Variants in POLR2F observed in about 807,000 individuals in gnomAD.
POLR2F encodes DNA-directed RNA polymerases I, II, and III subunit RPABC2.
In POLR2F, 12 loss-of-function variants were observed where a neutral mutation model predicts 22.7. The observed-to-expected ratio is 0.53, with a 90% CI of 0.34 to 0.86. The LOEUF (loss-of-function observed/expected upper bound fraction) is 0.86, where lower values mean the gene tolerates loss of function less well. Ranked by LOEUF, POLR2F falls within the 40% of genes least tolerant of loss-of-function variation. The pLI, the probability that POLR2F is intolerant of heterozygous loss-of-function variation, is 0.02. For missense variants in POLR2F, 126 were observed against 171.5 expected, an observed-to-expected ratio of 0.73 and a Z score of 1.48; for synonymous variants, 57 against 66.0, an observed-to-expected ratio of 0.86 and a Z score of 0.66.
intron 1 of POLR2F, among the ~76,000 whole-genome samples, chr22:37,954,493 G>T (rs1024607097): frequency 6.6e-6 from 1 of 152,040 alleles, no homozygotes; most frequent in African/African-American, 2.4e-5. Flanking sequence ...TAGTAGAGAC[G>T]GGTTTCACCA....
chr22:37,961,795 G>C (rs1028219000), intron 3 of POLR2F, among the ~76,000 whole-genome samples: 6 of 148,268 alleles, frequency 4.0e-5, no homozygotes, highest in Non-Finnish European at 6.0e-5. Context: ...GGGACAGAGC[G>C]GGGTACTCTA....
At chr22:38,034,867 T>C (rs1009898820) in intron 5 of POLR2F, among the ~76,000 whole-genome samples, 3 of 151,820 alleles carry the variant, frequency 2.0e-5, no homozygotes, top group Non-Finnish European at 4.4e-5. Context: ...GGGCTGGGAG[T>C]GGTGGGAGGT....
chr22:37,966,850 G>C (rs1308792087), intron 3 of POLR2F, among the ~76,000 whole-genome samples: 1 of 152,220 alleles, frequency 6.6e-6, no homozygotes, highest in Non-Finnish European at 1.5e-5. Context: ...AGTTAGAATG[G>C]TGTGCCTTTG....
At chr22:37,986,021 CCCCGCCT>C, upstream of POLR2F, 1 of 1,373,618 alleles carries the variant, frequency 7.3e-7, no homozygotes. This position sits in a 1 kb window ranked among gnomAD's most constrained non-coding sequence, Gnocchi z 4.7. Context: ...ACCCTCCTCC[CCCCGCCT>C]CCCTTCTCTT....
chr22:37,964,779 G>A (rs759829164), intron 3 of POLR2F, among the ~76,000 whole-genome samples: 1 of 152,014 alleles, frequency 6.6e-6, no homozygotes, highest in Admixed American at 6.5e-5. Context: ...CACCATGTTG[G>A]TCGGGCTGGT....
chr22:38,041,110 G>C, downstream of POLR2F: 2 of 1,612,960 alleles, frequency 1.2e-6, no homozygotes, highest in Non-Finnish European at 8.5e-7. Flanking sequence ...GAAGCCCCGT[G>C]AACAATGCAT....
rs1371764231 is a variant in POLR2F, at chr22:37,968,581, C to A, written c.*866C>A. 8 of 985,592 alleles carry A rather than the reference C, an allele frequency of 8.1e-6. No homozygotes were observed. The highest frequency in any genetic ancestry group is 9.6e-6 in the Non-Finnish European group (8 of 830,146). The allele number at this position is 985,592 out of a possible 1,614,324, so 61.1% of individuals were successfully genotyped here. A position where few individuals can be genotyped will look rare whatever the true frequency, so the allele number is the denominator to read the frequency against. Reference sequence around the variant, plus strand: ...TCTGCCTGAGGTTCTAATGGGTCCTCTTCCTTTCTCCACCCTGCTTACCCA... The same window carrying A: ...TCTGCCTGAGGTTCTAATGGGTCCTATTCCTTTCTCCACCCTGCTTACCCA... On this transcript the variant is annotated 3_prime_UTR_variant, in exon 5 of 5. Coordinates refer to ENST00000442738, the MANE Select transcript of POLR2F (RefSeq NM_021974.5).
chr22:38,008,333 T>TGAGGTCAA (rs1173018846), intron 1 of POLR2F, among the ~76,000 whole-genome samples: 1 of 151,718 alleles, frequency 6.6e-6, no homozygotes, highest in East Asian at 1.9e-4. Context: ...GCGGATCATC[T>TGAGGTCAA]GAGGTCAAGA....
At chr22:37,960,267 A>G (rs1357685217) in intron 3 of POLR2F, among the ~76,000 whole-genome samples, 4 of 146,080 alleles carry the variant, frequency 2.7e-5, no homozygotes, top group African/African-American at 1.0e-4. Flanking sequence ...TCTGTCTCCC[A>G]TGCTGGAGTG....
intron 5 of POLR2F, among the ~76,000 whole-genome samples, chr22:38,035,289 G>A (rs3026673): frequency 0.016 from 2,426 of 152,282 alleles, 71 homozygotes; most frequent in African/African-American, 0.057. Flanking sequence ...TTTACATCCA[G>A]TGTGGTGTGT....
At chr22:37,979,244 C>T (rs949319370) in intron 4 of POLR2F, among the ~76,000 whole-genome samples, 2 of 151,342 alleles carry the variant, frequency 1.3e-5, no homozygotes, top group South Asian at 2.1e-4. Flanking sequence ...ACTACAGGCA[C>T]GCACCACCAT....
rs553949889 is a variant in POLR2F, at chr22:37,979,312, G to T, written c.293+12142G>T. Among the ~76,000 whole-genome samples, 176 of 152,078 alleles carry T rather than the reference G, an allele frequency of 1.2e-3. 3 individuals are homozygous for T. Among genetic ancestry groups the T allele is most frequent in the African/African-American group, 4.1e-3 (168 of 41,474 alleles). On this transcript the variant is annotated intron_variant, in intron 4 of 4. Transcript: ENST00000405557. ...GAGGTTTCACCATATTGGCCAGGCT[G>T]GTCTCCAACTCCTGACCTCAGGTGA...
chr22:38,028,476 G>A (rs939811951), downstream of POLR2F, among the ~76,000 whole-genome samples: 6 of 152,096 alleles, frequency 3.9e-5, no homozygotes, highest in Non-Finnish European at 5.9e-5. Context: ...GCCTGCGCAT[G>A]CATCTGTGTG....
At chr22:38,022,634 A>G (rs925706863) in intron 1 of POLR2F, among the ~76,000 whole-genome samples, 1 of 151,932 alleles carries the variant, frequency 6.6e-6, no homozygotes, top group Non-Finnish European at 1.5e-5. Context: ...TTATCTGTTT[A>G]TTTATTTCTA....
At chr22:37,969,678 A>G (rs1931986969), downstream of POLR2F, among the ~76,000 whole-genome samples, 1 of 152,242 alleles carries the variant, frequency 6.6e-6, no homozygotes, top group Non-Finnish European at 1.5e-5. Context: ...TGAAGGGGAA[A>G]GGGTGGGTTG....
upstream of POLR2F, chr22:37,983,338 G>A: frequency 6.3e-7 from 1 of 1,598,568 alleles, no homozygotes; most frequent in Non-Finnish European, 8.5e-7. The surrounding 1 kb of genome is among the most constrained non-coding windows in gnomAD (Gnocchi z 9.5). Context: ...CCGAGCCCGG[G>A]GGGCGGTCGG....
intron 5 of POLR2F, among the ~76,000 whole-genome samples, chr22:38,036,385 G>C (rs955783771): frequency 6.6e-6 from 1 of 151,808 alleles, no homozygotes; most frequent in Admixed American, 6.6e-5. Context: ...CCCCGAAGGA[G>C]AGGCTTCCTT....
At position 37,956,797 on chromosome 22, in the gene POLR2F, T is replaced by C. The variant is rs750816765; in HGVS notation, c.45T>C (p.Asp15=). The part of the protein sequence containing the change: ...EDNFDGDDFD[D]VEEDEGLDDL... ...GTTTTGATGGCGACGACTTTGATGA[T>C]GTGGAGGAGGATGAAGGGCTAGATG... The change falls in exon 2 of 5, where the codon GAT becomes GAC. Residue 15 remains aspartate (D), a synonymous_variant. Coordinates refer to ENST00000442738, the MANE Select transcript of POLR2F (RefSeq NM_021974.5). 1.2e-6 allele frequency: 2 copies of C among 1,613,872 alleles called. No homozygotes were observed. Among genetic ancestry groups the C allele is most frequent in the South Asian group, 2.2e-5 (2 of 91,090 alleles).
downstream of POLR2F, among the ~76,000 whole-genome samples, chr22:38,030,636 A>G (rs1203201905): frequency 1.3e-5 from 2 of 152,152 alleles, no homozygotes; most frequent in Non-Finnish European, 2.9e-5. Context: ...GGGGACCGCC[A>G]TGGTCTGAGA....
Sources: allele counts gnomAD v4.1 joint callset (sites outside exome capture counted in the v4.1 genomes callset), GRCh38; gene constraint gnomAD v4.1.1; non-coding constraint Gnocchi (gnomAD v3.1); transcripts MANE v1.5; gene names NCBI Gene and HGNC (gene_info 2026-07-23, HGNC 2026-07-21).